PDE1A: variants seen among roughly 807,000 people sequenced by gnomAD.
PDE1A encodes the protein dual specificity calcium/calmodulin-dependent 3',5'-cyclic nucleotide phosphodiesterase 1A.
In PDE1A, 35 loss-of-function variants were observed where a neutral mutation model predicts 61.7. The ratio of observed to expected loss-of-function variants is 0.57; its 90% CI spans 0.43 to 0.75. The LOEUF (loss-of-function observed/expected upper bound fraction) is 0.75, where lower values mean the gene tolerates loss of function less well. PDE1A is among the 30% of genes least tolerant of loss of function. The probability of loss-of-function intolerance (pLI) is 0.00; values close to 1 mark genes in which losing one functional copy is unlikely to be tolerated. For missense variants in PDE1A, 597 were observed against 630.6 expected, an observed-to-expected ratio of 0.95 and a Z score of 0.57; for synonymous variants, 232 against 213.2, an observed-to-expected ratio of 1.09 and a Z score of -0.77.
At chr2:182,448,003 A>ATC (rs1230950759) in intron 2 of PDE1A, among the ~76,000 whole-genome samples, 1 of 151,980 alleles carries the variant, frequency 6.6e-6, no homozygotes, top group African/African-American at 2.4e-5. Context: ...CTCCTTAACT[A>ATC]TGTGATCTTG....
At chr2:182,232,732 G>T (rs1689683019) in intron 4 of PDE1A, among the ~76,000 whole-genome samples, 1 of 152,150 alleles carries the variant, frequency 6.6e-6, no homozygotes, top group Non-Finnish European at 1.5e-5. Context: ...CTCAAAGGAG[G>T]TCAATAAATC....
chr2:182,541,110 A>G, the PDE1A span, among the ~76,000 whole-genome samples: 1 of 152,226 alleles, frequency 6.6e-6, no homozygotes, highest in African/African-American at 2.4e-5. Flanking sequence ...GTAAGAGGAT[A>G]GAGTTCAAAA....
At chr2:182,212,953 C>T (rs1687780961) in intron 7 of PDE1A, among the ~76,000 whole-genome samples, 1 of 150,702 alleles carries the variant, frequency 6.6e-6, no homozygotes, top group African/African-American at 2.4e-5. Context: ...TAGGCCCCAC[C>T]TCTGGGGGCA....
Position 182,328,563 on chromosome 2 carries a change from C to T in PDE1A, c.54-64149G>A, listed in dbSNP as rs556313741. On this transcript the variant is annotated intron_variant, in intron 1 of 13. Coordinates refer to ENST00000351439, the Ensembl canonical transcript of PDE1A. Reference sequence around the variant, plus strand: ...ATCAAGAATTTTTGGAGTTGGAATACGAGAGGGAGGGAACTTGAAGGACGA... The same window carrying T: ...ATCAAGAATTTTTGGAGTTGGAATATGAGAGGGAGGGAACTTGAAGGACGA... Among the ~76,000 whole-genome samples, 28 of 151,996 alleles carry T rather than the reference C, an allele frequency of 1.8e-4. No homozygotes were observed. In the East Asian group the frequency reaches 3.1e-3, roughly 17 times the overall value.
chr2:182,231,987 A>T (rs1190173351), intron 4 of PDE1A, among the ~76,000 whole-genome samples: 1 of 152,184 alleles, frequency 6.6e-6, no homozygotes, highest in East Asian at 1.9e-4. Flanking sequence ...ATCTTTAATT[A>T]TTAAAAGGTA....
chr2:182,247,392 A>G (rs1691053392), intron 2 of PDE1A, among the ~76,000 whole-genome samples: 1 of 152,232 alleles, frequency 6.6e-6, no homozygotes, highest in South Asian at 2.1e-4. Flanking sequence ...AAGTGTTCAC[A>G]GGTTCATTAA....
the PDE1A span, among the ~76,000 whole-genome samples, chr2:182,642,003 T>C: frequency 6.6e-6 from 1 of 152,148 alleles, no homozygotes; most frequent in African/African-American, 2.4e-5. Context: ...TCCTAACCAA[T>C]TGCATTTAAT....
the PDE1A span, among the ~76,000 whole-genome samples, chr2:182,542,984 C>T: frequency 6.6e-6 from 1 of 152,182 alleles, no homozygotes; most frequent in African/African-American, 2.4e-5. Context: ...TTCCACATCT[C>T]GTTTTTCCTT....
intron 7 of PDE1A, among the ~76,000 whole-genome samples, chr2:182,207,964 T>G (rs901834901): frequency 6.6e-6 from 1 of 152,264 alleles, no homozygotes; most frequent in African/African-American, 2.4e-5. Context: ...CCTGTAGGTA[T>G]GCAGACAGTA....
intron 10 of PDE1A, among the ~76,000 whole-genome samples, chr2:182,197,125 G>A (rs1686196521): frequency 6.6e-6 from 1 of 151,450 alleles, no homozygotes; most frequent in African/African-American, 2.4e-5. Flanking sequence ...CATTCTCATG[G>A]GGCTATATGA....
chr2:182,437,685 T>A (rs1463872400), intron 2 of PDE1A, among the ~76,000 whole-genome samples: 2 of 151,950 alleles, frequency 1.3e-5, no homozygotes, highest in Non-Finnish European at 2.9e-5. Context: ...TGGGACTGCT[T>A]TTCACCAGAG....
downstream of PDE1A, among the ~76,000 whole-genome samples, chr2:182,163,266 T>G (rs1691484030): frequency 6.6e-6 from 1 of 152,186 alleles, no homozygotes; most frequent in South Asian, 2.1e-4. Flanking sequence ...GGTAAATGCT[T>G]TTTCTCCATA....
intron 13 of PDE1A, among the ~76,000 whole-genome samples, chr2:182,162,749 C>T (rs947418967): frequency 6.6e-6 from 1 of 152,130 alleles, no homozygotes; most frequent in Non-Finnish European, 1.5e-5. Flanking sequence ...ATCACTGTGG[C>T]CCTCCAGTTA....
At position 182,378,952 on chromosome 2, in the gene PDE1A, T is replaced by A. The variant is rs899270888; in HGVS notation, c.53+47626A>T. Among the ~76,000 whole-genome samples, 3 of 152,232 alleles carry A rather than the reference T, an allele frequency of 2.0e-5. No individual in the cohort carries two copies. The South Asian group carries it at 6.2e-4, about 31-fold the overall frequency. On this transcript the variant is annotated intron_variant, in intron 1 of 13. Coordinates refer to ENST00000351439, the Ensembl canonical transcript of PDE1A. The stretch of plus-strand genomic sequence containing the variant: ...AAACTAGATAGTCCTAATCTAAACA[T>A]AGCATTTGTTCAGACTCTCAGCATG...
At chr2:182,490,670 G>A (rs1688325774) in intron 2 of PDE1A, among the ~76,000 whole-genome samples, 1 of 152,190 alleles carries the variant, frequency 6.6e-6, no homozygotes, top group Non-Finnish European at 1.5e-5. Context: ...ACCACGCCCA[G>A]CCAAGATTTT....
At chr2:182,172,363 G>A (rs1020692016) in intron 13 of PDE1A, among the ~76,000 whole-genome samples, 1 of 151,946 alleles carries the variant, frequency 6.6e-6, no homozygotes, top group African/African-American at 2.4e-5. Context: ...TGGTACACAG[G>A]GGGTCTCTGT....
chr2:182,569,149 G>A, the PDE1A span, among the ~76,000 whole-genome samples: 22 of 151,594 alleles, frequency 1.5e-4, no homozygotes, highest in East Asian at 1.2e-3. Flanking sequence ...GCTACTTGGC[G>A]GGGCTGACGT....
intron 1 of PDE1A, among the ~76,000 whole-genome samples, chr2:182,308,517 G>A (rs920223608): frequency 6.6e-6 from 1 of 151,964 alleles, no homozygotes; most frequent in African/African-American, 2.4e-5. Context: ...TCCATATGTG[G>A]ATCATGTTTT....
At chr2:182,455,565 C>T (rs894629096) in intron 2 of PDE1A, among the ~76,000 whole-genome samples, 5 of 152,090 alleles carry the variant, frequency 3.3e-5, no homozygotes, top group South Asian at 2.1e-4. Flanking sequence ...CACCATGGAA[C>T]ACTATGCAGC....
Sources: gnomAD v4.1 joint callset for allele counts (sites outside exome capture counted in the v4.1 genomes callset) on GRCh38, gnomAD v4.1.1 for gene constraint, MANE v1.5 for transcripts, NCBI Gene and HGNC (gene_info 2026-07-23, HGNC 2026-07-21) for gene names.